The following DCLK1 variants were observed in gnomAD, a reference collection of about 807,000 sequenced individuals.
DCLK1 encodes doublecortin like kinase 1.
In DCLK1, 16 loss-of-function variants were observed where a neutral mutation model predicts 86.2. That is an observed-to-expected ratio of 0.19 (90% CI 0.13 to 0.28). The LOEUF (loss-of-function observed/expected upper bound fraction) is 0.28. Among genes scored for constraint, DCLK1 ranks in the 10% least tolerant of loss-of-function variants. The pLI, the probability that DCLK1 is intolerant of heterozygous loss-of-function variation, is 1.00. For missense variants in DCLK1, 590 were observed against 940.2 expected (o/e 0.63, Z 4.87); for synonymous variants, 369 against 370.5 (o/e 1.00, Z 0.05).
In DCLK1 at chr13:35,774,610, G is replaced by T. The variant is rs569155696; in HGVS notation, c.2148C>A (p.Pro716=). The change falls in exon 17 of 17, where the codon CCC becomes CCA. Residue 716 remains proline (P), a synonymous_variant. Coordinates refer to ENST00000360631, the MANE Select transcript of DCLK1 (RefSeq NM_001330071.2). The part of the protein sequence containing the change: ...RSRYKAQPAP[P]ELNSESEDYS... ...AGTCTTCCGATTCCGAGTTGAGTTCGGGAGGAGCTGGCTGCGCCTTGTACC... is the reference window on the plus strand; with the variant it reads ...AGTCTTCCGATTCCGAGTTGAGTTCTGGAGGAGCTGGCTGCGCCTTGTACC... The T allele has an allele frequency of 1.4e-5, 22 of 1,597,534 alleles. No individual in the cohort carries two copies. The African/African-American group carries it at 2.1e-4, about 16-fold the overall frequency.
chr13:36,083,728 A>G (rs17053436), intron 3 of DCLK1, among the ~76,000 whole-genome samples: 42,879 of 152,070 alleles, frequency 0.28, 6,178 homozygotes, highest in South Asian at 0.45. Flanking sequence ...TTCAACAAAT[A>G]TTTATGGAAG....
chr13:36,031,732 C>T (rs149558954), intron 3 of DCLK1, among the ~76,000 whole-genome samples: 87 of 152,308 alleles, frequency 5.7e-4, no homozygotes, highest in African/African-American at 2.0e-3. Context: ...AATGGAATAG[C>T]ATGGTCTTCT....
chr13:35,905,221 C>CA (rs1874614690), intron 4 of DCLK1, among the ~76,000 whole-genome samples: 1 of 152,200 alleles, frequency 6.6e-6, no homozygotes, highest in Admixed American at 6.5e-5. Context: ...TCTTACCCTC[C>CA]AGCCAGCCAT....
intron 16 of DCLK1, among the ~76,000 whole-genome samples, chr13:35,785,810 A>G (rs1441566735): frequency 6.6e-6 from 1 of 152,208 alleles, no homozygotes; most frequent in East Asian, 1.9e-4. Flanking sequence ...GGCTGCCACC[A>G]TGGTTAGACA....
At chr13:35,860,163 G>A (rs1871299873) in intron 5 of DCLK1, among the ~76,000 whole-genome samples, 1 of 152,164 alleles carries the variant, frequency 6.6e-6, no homozygotes, top group Non-Finnish European at 1.5e-5. Context: ...GTTTGGGGGT[G>A]GCGATTCAGG....
intron 4 of DCLK1, among the ~76,000 whole-genome samples, chr13:35,909,951 G>A (rs957821670): frequency 4.6e-5 from 7 of 152,166 alleles, no homozygotes; most frequent in African/African-American, 9.6e-5. Flanking sequence ...CAGCACCTCC[G>A]TCCTCTGTTC....
chr13:35,948,229 C>CTATGTAATA (rs1415583852), intron 3 of DCLK1, among the ~76,000 whole-genome samples: 2 of 152,218 alleles, frequency 1.3e-5, no homozygotes, highest in Admixed American at 1.3e-4. Context: ...TTTGGATAGA[C>CTATGTAATA]TATGTAATAT....
intron 5 of DCLK1, among the ~76,000 whole-genome samples, chr13:35,866,616 ATTT>A (rs34743728): frequency 3.0e-5 from 4 of 135,276 alleles, no homozygotes; most frequent in African/African-American, 2.7e-5. Flanking sequence ...TAATTTTTGT[ATTT>A]TTTTTTTTTT....
chr13:36,063,823 A>G (rs1167291556), intron 3 of DCLK1, among the ~76,000 whole-genome samples: 2 of 152,228 alleles, frequency 1.3e-5, no homozygotes, highest in African/African-American at 4.8e-5. Flanking sequence ...TAATTAGCAT[A>G]TACTCAGTTC....
chr13:35,886,537 C>T (rs964601936), intron 4 of DCLK1, among the ~76,000 whole-genome samples: 2 of 152,228 alleles, frequency 1.3e-5, no homozygotes, highest in Non-Finnish European at 2.9e-5. Flanking sequence ...TAAAAGTGTT[C>T]GGAAGAGTGC....
intron 5 of DCLK1, among the ~76,000 whole-genome samples, chr13:35,866,618 T>C (rs1043093234): frequency 7.8e-5 from 11 of 140,728 alleles, no homozygotes; most frequent in African/African-American, 2.8e-4. Context: ...ATTTTTGTAT[T>C]TTTTTTTTTT....
At chr13:36,066,746 A>G (rs1182189941) in intron 3 of DCLK1, among the ~76,000 whole-genome samples, 2 of 152,190 alleles carry the variant, frequency 1.3e-5, no homozygotes, top group East Asian at 1.9e-4. Context: ...AAGTGGGCGA[A>G]GGACATGAAC....
At chr13:36,047,901 T>C (rs1157315295) in intron 3 of DCLK1, among the ~76,000 whole-genome samples, 1 of 152,038 alleles carries the variant, frequency 6.6e-6, no homozygotes, top group African/African-American at 2.4e-5. Context: ...GAGGCTGCAG[T>C]GAGCTAGGAT....
chr13:35,792,478 A>C (rs1161172668), intron 16 of DCLK1, among the ~76,000 whole-genome samples: 4 of 152,234 alleles, frequency 2.6e-5, no homozygotes, highest in Non-Finnish European at 5.9e-5. Context: ...GGTGCTGTTT[A>C]ATAGCATAAA....
intron 4 of DCLK1, among the ~76,000 whole-genome samples, chr13:35,879,084 C>CA (rs1245648536): frequency 1.3e-5 from 2 of 151,822 alleles, no homozygotes; most frequent in East Asian, 3.9e-4. Flanking sequence ...CACACCGGGC[C>CA]AAAAATTAAA....
chr13:35,947,078 C>T (rs1877423944), intron 4 of DCLK1, among the ~76,000 whole-genome samples: 1 of 152,116 alleles, frequency 6.6e-6, no homozygotes, highest in Non-Finnish European at 1.5e-5. Flanking sequence ...GAATTCCACA[C>T]CATCATTTTC....
At chr13:35,870,210 G>C (rs1872166820) in intron 5 of DCLK1, among the ~76,000 whole-genome samples, 1 of 152,166 alleles carries the variant, frequency 6.6e-6, no homozygotes, top group Admixed American at 6.5e-5. Flanking sequence ...TGCCACCCTA[G>C]GTTGAGAGTC....
At chr13:35,945,838 A>T (rs1877351450) in intron 4 of DCLK1, among the ~76,000 whole-genome samples, 2 of 152,348 alleles carry the variant, frequency 1.3e-5, no homozygotes, top group African/African-American at 2.4e-5. Flanking sequence ...TAAAGATGGA[A>T]TGTATTTGAG....
chr13:35,792,007 T>C (rs1414515222), intron 16 of DCLK1, among the ~76,000 whole-genome samples: 1 of 152,194 alleles, frequency 6.6e-6, no homozygotes, highest in Non-Finnish European at 1.5e-5. Flanking sequence ...GAATATCAGC[T>C]CAGAACAAAG....
Sources: allele counts gnomAD v4.1 joint callset (sites outside exome capture counted in the v4.1 genomes callset), GRCh38; gene constraint gnomAD v4.1.1; transcripts MANE v1.5; gene names NCBI Gene and HGNC (gene_info 2026-07-23, HGNC 2026-07-21).